Variants in ABLIM2 observed in about 807,000 individuals in gnomAD.
ABLIM2 encodes actin-binding LIM protein 2.
ABLIM2 carries 53 observed loss-of-function variants against 97.7 expected under a neutral mutation model. That is an observed-to-expected ratio of 0.54 (90% CI 0.44 to 0.68). The LOEUF is 0.68. Ranked by LOEUF, ABLIM2 falls within the 30% of genes least tolerant of loss-of-function variation. The pLI is 0.00. For missense variants in ABLIM2, 835 were observed against 867.2 expected (o/e 0.96, Z 0.47); for synonymous variants, 361 against 345.8 (o/e 1.04, Z -0.49).
intron 9 of ABLIM2, among the ~76,000 whole-genome samples, chr4:8,041,961 G>A (rs1353060112): frequency 6.6e-6 from 1 of 152,144 alleles, no homozygotes; most frequent in Non-Finnish European, 1.5e-5. Flanking sequence ...TGCCGTGCAG[G>A]TTCCAACAAC....
In ABLIM2 at chr4:8,128,484, G is replaced by C. The variant is rs1272940418; in HGVS notation, c.11-21847C>G. ...AACATGGCTAGCACCACGCAGAACA[G>C]AGTTTTAGATTTTATTTAATTTTAA... On this transcript the variant is annotated intron_variant, in intron 1 of 20. Transcript: ENST00000447017. This position sits in a 1 kb window ranked among gnomAD's most constrained non-coding sequence, Gnocchi z 4.9. Among the ~76,000 whole-genome samples the C allele has an allele frequency of 6.6e-6, 1 of 152,200 alleles. No individual in the cohort carries two copies. The highest frequency in any genetic ancestry group is 1.5e-5 in the Non-Finnish European group (1 of 68,044).
At position 8,071,939 on chromosome 4, in the gene ABLIM2, G is replaced by A. The variant is rs1314867249; in HGVS notation, c.675+5689C>T. ...TCACCCAGCGGGGCACCGGCACACT[G>A]GGCCGAGCATCAGGCAGTGCCACCG... is the stretch of plus-strand genomic sequence containing the variant. On this transcript the variant is annotated intron_variant, in intron 6 of 20. Transcript: ENST00000447017. The surrounding 1 kb of genome is among the most constrained non-coding windows in gnomAD (Gnocchi z 6.2). 1.0e-6 allele frequency: 1 copy of A among 985,452 alleles called. No individual in the cohort carries two copies. The highest frequency in any genetic ancestry group is 1.2e-6 in the Non-Finnish European group (1 of 829,982). 61.0% of individuals were successfully genotyped at this position (985,452 alleles called of 1,614,324 possible).
Position 7,992,503 on chromosome 4 carries a change from C to T in ABLIM2, c.1680+363G>A, listed in dbSNP as rs577806215. ...GCTCACACTGGCTCACCAAATGCAA[C>T]AGCCCTTGGTTATCAGGCTCTGTGC... is the stretch of plus-strand genomic sequence containing the variant. On this transcript the variant is annotated intron_variant, in intron 17 of 20. Transcript: ENST00000447017. The surrounding 1 kb of genome is among the most constrained non-coding windows in gnomAD (Gnocchi z 5.7). Among the ~76,000 whole-genome samples the T allele has an allele frequency of 1.3e-5, 2 of 152,106 alleles. No homozygotes were observed. Among genetic ancestry groups the T allele is most frequent in the African/African-American group, 4.8e-5 (2 of 41,424 alleles).
chr4:8,071,314 C>G lies in ABLIM2; in HGVS notation c.675+6314G>C, dbSNP rs1361534804. Among the ~76,000 whole-genome samples, 1 of 152,110 alleles carries G rather than the reference C, an allele frequency of 6.6e-6. No homozygotes were observed. Among genetic ancestry groups the G allele is most frequent in the Non-Finnish European group, 1.5e-5 (1 of 68,006 alleles). ...CAGATATCAGCCCCTCCCATGCCCC[C>G]ACAGGACCCCAGCAAGGAGCCGGCT... is the stretch of plus-strand genomic sequence containing the variant. On this transcript the variant is annotated intron_variant, in intron 6 of 20. Coordinates refer to ENST00000447017, the MANE Select transcript of ABLIM2 (RefSeq NM_001130083.2). The surrounding 1 kb of genome is among the most constrained non-coding windows in gnomAD (Gnocchi z 6.2).
rs114635916 is a variant in ABLIM2 at position 7,993,755 on chromosome 4, G to A, written c.1619-828C>T. On this transcript the variant is annotated intron_variant, in intron 16 of 20. Transcript: ENST00000447017. ...TTAAAATCCAAATTTCTAGCTTCTC[G>A]TGAAATAATAGAGGGCTGGTCTGAG... Among the ~76,000 whole-genome samples, 1,222 of 152,278 alleles carry A rather than the reference G, an allele frequency of 8.0e-3. 8 individuals carry two copies. The highest frequency in any genetic ancestry group is 0.028 in the African/African-American group (1,162 of 41,550).
In ABLIM2 at chr4:7,966,768, C is replaced by G; in HGVS notation, c.*222G>C. 1.8e-6 allele frequency: 1 copy of G among 554,566 alleles called. No homozygotes were observed. The highest frequency in any genetic ancestry group is 3.2e-6 in the Non-Finnish European group (1 of 310,400). 34.4% of individuals were successfully genotyped at this position (554,566 alleles called of 1,614,324 possible). On this transcript the variant is annotated 3_prime_UTR_variant, in exon 21 of 21. Transcript: ENST00000447017. ...ACAGCCTCTCCCTGACACCAAGCCA[C>G]AGCGGGGAAGGGTGGCGTGAAGCTA...
Position 7,966,729 on chromosome 4 carries a change from G to A in ABLIM2, c.*261C>T, listed in dbSNP as rs1009405269. The A allele has an allele frequency of 1.5e-5, 7 of 465,980 alleles. No homozygotes were observed. The highest frequency in any genetic ancestry group is 7.2e-5 in the South Asian group (2 of 27,614). The allele number at this position is 465,980 out of a possible 1,614,324, so 28.9% of individuals were successfully genotyped here. A position where few individuals can be genotyped will look rare whatever the true frequency, so the allele number is the denominator to read the frequency against. On this transcript the variant is annotated 3_prime_UTR_variant, in exon 21 of 21. Coordinates refer to ENST00000447017, the MANE Select transcript of ABLIM2 (RefSeq NM_001130083.2). ...CACCTGTGTGCTCCATCTGATGCCC[G>A]ACACAGCCACTCTACAGCCTCTCCC...
chr4:8,108,198 G>A (rs1472723374), intron 1 of ABLIM2, among the ~76,000 whole-genome samples: 1 of 152,220 alleles, frequency 6.6e-6, no homozygotes, highest in East Asian at 1.9e-4. Flanking sequence ...AGGGGCAGAG[G>A]CACCAAGCCC....
rs562758885 is a variant in ABLIM2, at chr4:8,106,594, G to A, written c.54C>T (p.Pro18=). The A allele has an allele frequency of 1.2e-6, 2 of 1,612,028 alleles. No individual in the cohort carries two copies. Among genetic ancestry groups the A allele is most frequent in the Admixed American group, 1.7e-5 (1 of 59,774 alleles). The part of the protein sequence containing the change: ...QAAPSPLEKS[P]STAILCNTCG... The stretch of plus-strand genomic sequence containing the variant: ...ACGTGTTGCACAGGATCGCCGTGCT[G>A]GGCGACTTCTCCAGCGGGCTGGGAG... Residue 18 remains proline, a synonymous_variant, in exon 2 of 21, where the codon CCC becomes CCT. Transcript: ENST00000447017.
At chr4:7,988,333 T>C (rs1477097796) in intron 17 of ABLIM2, among the ~76,000 whole-genome samples, 3 of 152,208 alleles carry the variant, frequency 2.0e-5, no homozygotes, top group African/African-American at 7.2e-5. Flanking sequence ...TGTTTAGCAC[T>C]TCTTACGTGC....
chr4:8,052,195 C>T (rs1343794666), intron 8 of ABLIM2, among the ~76,000 whole-genome samples: 1 of 152,234 alleles, frequency 6.6e-6, no homozygotes, highest in Admixed American at 6.5e-5. Context: ...TGTTCCCATG[C>T]ACACATGCAA....
At position 8,004,988 on chromosome 4, in the gene ABLIM2, G is replaced by C. The variant is rs1254927157; in HGVS notation, c.1618+3071C>G. Among the ~76,000 whole-genome samples the C allele has an allele frequency of 6.6e-6, 1 of 152,234 alleles. No homozygotes were observed. Among genetic ancestry groups the C allele is most frequent in the African/African-American group, 2.4e-5 (1 of 41,458 alleles). On this transcript the variant is annotated intron_variant, in intron 16 of 20. Transcript: ENST00000447017. This position sits in a 1 kb window ranked among gnomAD's most constrained non-coding sequence, Gnocchi z 5.9. ...TTCCCTGCTGGGGAACAGGGACTGGGCCATGCTCACCACTGCCTAGCACCA... is the reference window on the plus strand; with the variant it reads ...TTCCCTGCTGGGGAACAGGGACTGGCCCATGCTCACCACTGCCTAGCACCA...
chr4:8,044,596 C>T lies in ABLIM2; in HGVS notation c.900+568G>A, dbSNP rs1790924326. On this transcript the variant is annotated intron_variant, in intron 9 of 20. Coordinates refer to ENST00000447017, the MANE Select transcript of ABLIM2 (RefSeq NM_001130083.2). This position sits in a 1 kb window ranked among gnomAD's most constrained non-coding sequence, Gnocchi z 4.4. ...AACAACTTGTTAAAATGTTTTCAAT[C>T]ATTTTTATATTTGTATGTGATTATG... Among the ~76,000 whole-genome samples, 1 of 151,572 alleles carries T rather than the reference C, an allele frequency of 6.6e-6. No homozygotes were observed. The highest frequency in any genetic ancestry group is 1.5e-5 in the Non-Finnish European group (1 of 67,964).
Position 8,023,929 on chromosome 4 carries a change from G to A in ABLIM2, c.1268-3626C>T, listed in dbSNP as rs988300119. 9.2e-5 allele frequency among the ~76,000 whole-genome samples: 14 copies of A among 152,188 alleles called. No homozygotes were observed. Among genetic ancestry groups the A allele is most frequent in the African/African-American group, 2.2e-4 (9 of 41,436 alleles). On this transcript the variant is annotated intron_variant, in intron 12 of 20. Transcript: ENST00000447017. The surrounding 1 kb of genome is among the most constrained non-coding windows in gnomAD (Gnocchi z 5.7). ...TGTGGAGCCTCCTCCAGGTGACACC[G>A]CAGAGAGGCCAGCTGGTGGCCACGG...
In ABLIM2 at chr4:8,112,906, G is replaced by A. The variant is rs1841064353; in HGVS notation, c.11-6269C>T. 6.6e-6 allele frequency among the ~76,000 whole-genome samples: 1 copy of A among 152,160 alleles called. No homozygotes were observed. Among genetic ancestry groups the A allele is most frequent in the South Asian group, 2.1e-4 (1 of 4,832 alleles). On this transcript the variant is annotated intron_variant, in intron 1 of 20. Transcript: ENST00000447017. This position sits in a 1 kb window ranked among gnomAD's most constrained non-coding sequence, Gnocchi z 4.2. ...GTGTTCACTTGTTCAACAGACACGG[G>A]AGCAGACGCACTGTCAGGTACTGGG...
Position 8,090,125 on chromosome 4 carries a change from C to A in ABLIM2, c.339-1841G>T, listed in dbSNP as rs191829683. On this transcript the variant is annotated intron_variant, in intron 3 of 20. Transcript: ENST00000447017. ...GAGCTGAACCCAGGGCCCTCCCCTC[C>A]CATCCACTGCCCAGGAGCCTGCACG... Among the ~76,000 whole-genome samples the A allele has an allele frequency of 3.0e-4, 45 of 152,322 alleles. No homozygotes were observed. The South Asian group carries it at 8.1e-3, about 27-fold the overall frequency.
chr4:8,046,454 C>T lies in ABLIM2; in HGVS notation c.823-1213G>A, dbSNP rs537614723. Among the ~76,000 whole-genome samples, 2 of 152,308 alleles carry T rather than the reference C, an allele frequency of 1.3e-5. No homozygotes were observed. The highest frequency in any genetic ancestry group is 2.1e-4 in the South Asian group (1 of 4,826). On this transcript the variant is annotated intron_variant, in intron 8 of 20. Transcript: ENST00000447017. The surrounding 1 kb of genome is among the most constrained non-coding windows in gnomAD (Gnocchi z 4.4). Reference sequence around the variant, plus strand: ...CCTGTCCAAAAGAAGCCCATATCCACAGAGGCCTCCCCAGCCCTCAGCAGC... The same window carrying T: ...CCTGTCCAAAAGAAGCCCATATCCATAGAGGCCTCCCCAGCCCTCAGCAGC...
At chr4:7,979,436 G>C (rs1213981158) in intron 20 of ABLIM2, among the ~76,000 whole-genome samples, 1 of 152,222 alleles carries the variant, frequency 6.6e-6, no homozygotes, top group Non-Finnish European at 1.5e-5. Context: ...CTTTAGGAAT[G>C]TGAAAACAAG....
rs560209849 is a variant in ABLIM2 at position 8,106,614 on chromosome 4, T to C, written c.34A>G (p.Ser12Gly). 33 of 1,611,860 alleles carry C rather than the reference T, an allele frequency of 2.0e-5. No homozygotes were observed. In the South Asian group the frequency reaches 3.1e-4, roughly 15 times the overall value. ...SAVSQPQAAPSPLEKSPSTAI... is the reference protein window; with the variant it reads ...SAVSQPQAAPGPLEKSPSTAI... ...GTGCTGGGCGACTTCTCCAGCGGGC[T>C]GGGAGCAGCCTGGGGCTGCGACACT... The change falls in exon 2 of 21, where the codon AGC (serine) becomes GGC (glycine). Residue 12 changes from serine to glycine, a missense_variant. By Grantham distance (56) the Ser-to-Gly change is moderately conservative. Transcript: ENST00000447017.
Sources: allele counts gnomAD v4.1 joint callset (sites outside exome capture counted in the v4.1 genomes callset), GRCh38; gene constraint gnomAD v4.1.1; non-coding constraint Gnocchi (gnomAD v3.1); transcripts MANE v1.5; gene names NCBI Gene and HGNC (gene_info 2026-07-23, HGNC 2026-07-21).